The following AGBL1 variants were observed in gnomAD, a reference collection of about 807,000 sequenced individuals.
AGBL1 encodes AGBL carboxypeptidase 1.
In AGBL1, 130 loss-of-function variants were observed where a neutral mutation model predicts 118.9. The ratio of observed to expected loss-of-function variants is 1.09; its 90% CI spans 0.95 to 1.26. The LOEUF (loss-of-function observed/expected upper bound fraction) is 1.26, where lower values mean the gene tolerates loss of function less well. Among genes scored for constraint, AGBL1 ranks in the 50% most tolerant of loss-of-function variants. The probability of loss-of-function intolerance (pLI) is 0.00; values close to 1 mark genes in which losing one functional copy is unlikely to be tolerated. For synonymous variants in AGBL1, 555 were observed against 478.9 expected (o/e 1.16, Z -2.08); for missense variants, 1,584 against 1,298.1 (o/e 1.22, Z -3.38).
chr15:86,247,596 A>G, intron 6 of AGBL1, 75 bp from the exon 7 acceptor site: 1 of 1,393,720 alleles, frequency 7.2e-7, no homozygotes, highest in Non-Finnish European at 1.0e-6. Flanking sequence ...CTTGTGGGAA[A>G]TACACTGGAA....
At chr15:86,686,981 C>G (rs1041671064) in intron 22 of AGBL1, among the ~76,000 whole-genome samples, 9 of 152,218 alleles carry the variant, frequency 5.9e-5, no homozygotes, top group African/African-American at 1.9e-4. Context: ...AACCACTACT[C>G]CCATTTGAAC....
intron 22 of AGBL1, among the ~76,000 whole-genome samples, chr15:86,814,279 T>A (rs2078830517): frequency 6.6e-6 from 1 of 152,186 alleles, no homozygotes; most frequent in East Asian, 1.9e-4. Context: ...ATCTAACTAA[T>A]GCCTGATGAT....
intron 17 of AGBL1, among the ~76,000 whole-genome samples, chr15:86,346,655 A>T (rs931730170): frequency 6.6e-6 from 1 of 152,134 alleles, no homozygotes; most frequent in African/African-American, 2.4e-5. Context: ...GGCCAAGCTC[A>T]TTCTTTATGG....
At position 86,293,705 on chromosome 15, in the gene AGBL1, A is replaced by G. The variant is rs143283019; in HGVS notation, c.2221-1550A>G. Among the ~76,000 whole-genome samples the G allele has an allele frequency of 3.1e-3, 479 of 152,294 alleles. 1 individual carries two copies. Among genetic ancestry groups the G allele is most frequent in the African/African-American group, 0.011 (460 of 41,556 alleles). ...CATATCTGTAGTAAGTTATTTCCAC[A>G]TGTAAATACTTCCTCTACCTTTTGA... On this transcript the variant is annotated intron_variant, in intron 16 of 22. Transcript: ENST00000614907.
intron 5 of AGBL1, among the ~76,000 whole-genome samples, chr15:86,164,160 G>A (rs1050516499): frequency 3.9e-5 from 6 of 152,220 alleles, no homozygotes; most frequent in Non-Finnish European, 8.8e-5. Context: ...GGGGCATGTG[G>A]GGACAGCATT....
At chr15:86,420,244 C>T (rs1050499274) in intron 18 of AGBL1, among the ~76,000 whole-genome samples, 1 of 152,118 alleles carries the variant, frequency 6.6e-6, no homozygotes, top group Non-Finnish European at 1.5e-5. Flanking sequence ...GAGTGCCCTT[C>T]TAGGATGAAG....
In AGBL1 at chr15:86,381,897, A is replaced by G. The variant is rs956497942; in HGVS notation, c.2375-15469A>G. Among the ~76,000 whole-genome samples, 3 of 152,330 alleles carry G rather than the reference A, an allele frequency of 2.0e-5. 1 individual carries two copies. In the East Asian group the frequency reaches 5.8e-4, roughly 29 times the overall value. ...AGATCATGAAGGGCCTTGTGCCTCAATAAGAAGTCTTGATTTTATCTTGAG... is the reference window on the plus strand; with the variant it reads ...AGATCATGAAGGGCCTTGTGCCTCAGTAAGAAGTCTTGATTTTATCTTGAG... On this transcript the variant is annotated intron_variant, in intron 17 of 22. Coordinates refer to ENST00000614907, the MANE Select transcript of AGBL1 (RefSeq NM_001386094.1).
chr15:86,191,082 G>A (rs1226102019), intron 5 of AGBL1, among the ~76,000 whole-genome samples: 1 of 152,048 alleles, frequency 6.6e-6, no homozygotes, highest in Non-Finnish European at 1.5e-5. Context: ...GGTGGAACAC[G>A]TCTGTAATCC....
chr15:86,799,142 CA>C (rs1220475500), intron 22 of AGBL1, among the ~76,000 whole-genome samples: 2 of 151,180 alleles, frequency 1.3e-5, no homozygotes, highest in African/African-American at 4.9e-5. Context: ...TATCTGAATG[CA>C]ATTGTAATTT....
chr15:86,108,380 C>A (rs377678889), intron 1 of AGBL1, among the ~76,000 whole-genome samples: 1 of 152,240 alleles, frequency 6.6e-6, no homozygotes, highest in East Asian at 1.9e-4. Flanking sequence ...TAGATAGATA[C>A]AGCTATAGCT....
intron 1 of AGBL1, among the ~76,000 whole-genome samples, chr15:86,093,750 C>G (rs1299147140): frequency 2.6e-5 from 4 of 152,128 alleles, no homozygotes; most frequent in Non-Finnish European, 5.9e-5. Flanking sequence ...AATAATTGAA[C>G]ATGCTGAAGG....
At chr15:86,841,192 G>T (rs1355622935) in intron 22 of AGBL1, among the ~76,000 whole-genome samples, 2 of 152,160 alleles carry the variant, frequency 1.3e-5, no homozygotes, top group Non-Finnish European at 2.9e-5. Context: ...CTAGAAGAAA[G>T]ATGGCAGTTG....
intron 22 of AGBL1, among the ~76,000 whole-genome samples, chr15:86,905,606 T>C (rs28505195): frequency 0.049 from 7,418 of 152,298 alleles, 188 homozygotes; most frequent in African/African-American, 0.053. Flanking sequence ...CTAGACAATA[T>C]CCATGTGTTT....
At chr15:86,380,694 G>A (rs576113010) in intron 17 of AGBL1, among the ~76,000 whole-genome samples, 2 of 152,004 alleles carry the variant, frequency 1.3e-5, no homozygotes, top group South Asian at 2.1e-4. Flanking sequence ...TTAACTTCCC[G>A]TTCATTTACA....
chr15:86,816,188 C>T (rs552892926), intron 22 of AGBL1, among the ~76,000 whole-genome samples: 2 of 152,252 alleles, frequency 1.3e-5, no homozygotes, highest in African/African-American at 4.8e-5. Flanking sequence ...ACCTTTAGGA[C>T]AGAGGACAAA....
chr15:86,112,660 T>G (rs1897466747), intron 1 of AGBL1, among the ~76,000 whole-genome samples: 1 of 152,230 alleles, frequency 6.6e-6, no homozygotes, highest in Non-Finnish European at 1.5e-5. Context: ...TTTGATTAAG[T>G]ATTTCTAAAT....
At chr15:86,254,502 G>A (rs891582251) in intron 7 of AGBL1, among the ~76,000 whole-genome samples, 1 of 152,212 alleles carries the variant, frequency 6.6e-6, no homozygotes, top group African/African-American at 2.4e-5. Context: ...ACGCCAAAGC[G>A]AATTCAAAGA....
intron 21 of AGBL1, among the ~76,000 whole-genome samples, chr15:86,569,689 A>G (rs948331674): frequency 6.6e-6 from 1 of 152,348 alleles, no homozygotes; most frequent in Non-Finnish European, 1.5e-5. Context: ...CAGCATCATG[A>G]TAGAATATTA....
At position 86,653,622 on chromosome 15, in the gene AGBL1, T is replaced by C. The variant is rs115389672; in HGVS notation, c.2995-20651T>C. On this transcript the variant is annotated intron_variant, in intron 21 of 22. Coordinates refer to ENST00000614907, the MANE Select transcript of AGBL1 (RefSeq NM_001386094.1). ...AAGGCCTTCCCCTTATTGTTCCTAA[T>C]GGGTTGATTCACCCTACCTATGCCA... Among the ~76,000 whole-genome samples the C allele has an allele frequency of 8.6e-3, 1,312 of 152,262 alleles. 27 individuals carry two copies. The highest frequency in any genetic ancestry group is 0.029 in the African/African-American group (1,216 of 41,548).
Sources: gnomAD v4.1 joint callset for allele counts (sites outside exome capture counted in the v4.1 genomes callset) on GRCh38, gnomAD v4.1.1 for gene constraint, MANE v1.5 for transcripts, NCBI Gene and HGNC (gene_info 2026-07-23, HGNC 2026-07-21) for gene names.